The following PAFAH1B1 variants were observed in gnomAD, a reference collection of about 807,000 sequenced individuals.
PAFAH1B1 encodes platelet activating factor acetylhydrolase 1b regulatory subunit 1, also known as platelet-activating factor acetylhydrolase IB subunit beta.
A neutral mutation model predicts 57.5 loss-of-function variants in PAFAH1B1; 2 were observed. The observed-to-expected ratio is 0.03, with a 90% CI of 0.01 to 0.11. PAFAH1B1 has a LOEUF of 0.11. PAFAH1B1 is among the 10% of genes least tolerant of loss of function. The pLI is 1.00. For missense variants in PAFAH1B1, 257 were observed against 512.0 expected (o/e 0.50, Z 4.81); for synonymous variants, 152 against 169.6 (o/e 0.90, Z 0.81).
At chr17:2,594,968 A>G (rs549532219) in intron 1 of PAFAH1B1, among the ~76,000 whole-genome samples, 39 of 152,202 alleles carry the variant, frequency 2.6e-4, no homozygotes, top group Non-Finnish European at 4.8e-4. Flanking sequence ...AAGGTACCAT[A>G]GCTTTATATG....
chr17:2,634,947 G>GGAGACCAAGACC (rs1187665757), intron 1 of PAFAH1B1, among the ~76,000 whole-genome samples: 1 of 152,172 alleles, frequency 6.6e-6, no homozygotes, highest in African/African-American at 2.4e-5. Flanking sequence ...CGGATCACTT[G>GGAGACCAAGACC]AAGTCAGGAG....
intron 1 of PAFAH1B1, among the ~76,000 whole-genome samples, chr17:2,598,797 G>C (rs898354288): frequency 3.9e-5 from 6 of 152,138 alleles, no homozygotes; most frequent in African/African-American, 1.4e-4. Flanking sequence ...AAGCGTAATA[G>C]TTAACTGCAG....
At chr17:2,612,210 CTTT>C (rs529559637) in intron 1 of PAFAH1B1, among the ~76,000 whole-genome samples, 1 of 130,562 alleles carries the variant, frequency 7.7e-6, no homozygotes, top group African/African-American at 2.8e-5. Flanking sequence ...GAAAATGGCA[CTTT>C]TTTTTTTTTT....
intron 2 of PAFAH1B1, among the ~76,000 whole-genome samples, chr17:2,652,840 C>T (rs930548900): frequency 3.9e-5 from 6 of 152,208 alleles, no homozygotes; most frequent in Non-Finnish European, 5.9e-5. Flanking sequence ...CTAGTTCAAC[C>T]GTTATGGAAG....
At chr17:2,679,175 AT>A in intron 9 of PAFAH1B1, among the ~76,000 whole-genome samples, 1 of 152,250 alleles carries the variant, frequency 6.6e-6, no homozygotes, top group South Asian at 2.1e-4. Flanking sequence ...CAAACCTTTA[AT>A]TTAGAAAGTA....
At position 2,666,105 on chromosome 17, in the gene PAFAH1B1, T is replaced by C. The variant is rs587784255; in HGVS notation, c.192+15T>C. ...TACAAAAGAAGGTAACTAAGTCTTT[T>C]TTCTTTAAAATTAGTTGTATTCAGT... On this transcript the variant is annotated intron_variant, in intron 4 of 10. Coordinates refer to ENST00000397195, the MANE Select transcript of PAFAH1B1 (RefSeq NM_000430.4). 1.4e-6 allele frequency: 2 copies of C among 1,475,052 alleles called. No individual in the cohort carries two copies. The highest frequency in any genetic ancestry group is 2.8e-5 in the African/African-American group (2 of 71,896). The allele number at this position is 1,475,052 out of a possible 1,614,324, so 91.4% of individuals were successfully genotyped here.
At chr17:2,638,481 A>C (rs1042792514) in intron 2 of PAFAH1B1, 161 bp downstream of exon 2, 5 of 639,320 alleles carry the variant, frequency 7.8e-6, no homozygotes, top group Admixed American at 5.7e-5. Flanking sequence ...AAACAGTCTT[A>C]TTATGATATA....
chr17:2,615,927 A>G (rs1364139043), intron 1 of PAFAH1B1, among the ~76,000 whole-genome samples: 1 of 152,210 alleles, frequency 6.6e-6, no homozygotes, highest in Non-Finnish European at 1.5e-5. Context: ...AAGAAGACAC[A>G]AGGAGAGAAA....
At chr17:2,651,768 C>T (rs1277371141) in intron 2 of PAFAH1B1, among the ~76,000 whole-genome samples, 1 of 151,896 alleles carries the variant, frequency 6.6e-6, no homozygotes, top group Non-Finnish European at 1.5e-5. Flanking sequence ...GCCTTTTTGC[C>T]TTTCCCCAGT....
At chr17:2,607,197 CAG>C (rs2068215821) in intron 1 of PAFAH1B1, among the ~76,000 whole-genome samples, 1 of 151,648 alleles carries the variant, frequency 6.6e-6, no homozygotes, top group South Asian at 2.1e-4. Context: ...TATTTTGAGA[CAG>C]AGTCTTGCTC....
chr17:2,678,762 A>G (rs143186723), intron 9 of PAFAH1B1, among the ~76,000 whole-genome samples: 7 of 152,138 alleles, frequency 4.6e-5, no homozygotes, highest in Admixed American at 2.6e-4. Flanking sequence ...ATGCATGCCT[A>G]TAGTCCTAGC....
intron 1 of PAFAH1B1, among the ~76,000 whole-genome samples, chr17:2,636,187 C>A (rs1433984058): frequency 6.6e-6 from 1 of 152,096 alleles, no homozygotes; most frequent in African/African-American, 2.4e-5. Context: ...GGTTTACTGG[C>A]TTGTCTGTTG....
chr17:2,680,151 T>C lies in PAFAH1B1; in HGVS notation c.1003-13T>C, dbSNP rs766824454. 6.2e-7 allele frequency: 1 copy of C among 1,613,516 alleles called. No individual in the cohort carries two copies. The highest frequency in any genetic ancestry group is 8.5e-7 in the Non-Finnish European group (1 of 1,179,780). On this transcript the variant is annotated splice_polypyrimidine_tract_variant and intron_variant, in intron 9 of 10. Coordinates refer to ENST00000397195, the MANE Select transcript of PAFAH1B1 (RefSeq NM_000430.4). ...TGCCTTTTACTGAGTCAAATAACTTTTTTGTTTTTAAGGTGGGTCATGATA... is the reference window on the plus strand; with the variant it reads ...TGCCTTTTACTGAGTCAAATAACTTCTTTGTTTTTAAGGTGGGTCATGATA...
chr17:2,677,101 C>T (rs1424025408), intron 9 of PAFAH1B1, among the ~76,000 whole-genome samples: 4 of 151,784 alleles, frequency 2.6e-5, no homozygotes, highest in African/African-American at 9.7e-5. Flanking sequence ...TGCAGTGAGC[C>T]GAGATTGTGC....
intron 2 of PAFAH1B1, among the ~76,000 whole-genome samples, chr17:2,659,929 G>C (rs1253435190): frequency 6.6e-6 from 1 of 152,160 alleles, no homozygotes. Flanking sequence ...TCTCTGCCCT[G>C]GAAATAAATT....
chr17:2,664,555 G>T (rs1018333941), intron 2 of PAFAH1B1, among the ~76,000 whole-genome samples: 4 of 151,870 alleles, frequency 2.6e-5, no homozygotes, highest in Admixed American at 2.0e-4. Context: ...ACAGGGGCTT[G>T]CCACCACGCC....
chr17:2,659,950 T>TC (rs769687521), intron 2 of PAFAH1B1, among the ~76,000 whole-genome samples: 1 of 152,196 alleles, frequency 6.6e-6, no homozygotes, highest in Non-Finnish European at 1.5e-5. Flanking sequence ...TTAATCACAT[T>TC]CTCTCCCAAG....
At chr17:2,654,672 G>A (rs8067153) in intron 2 of PAFAH1B1, among the ~76,000 whole-genome samples, 16,604 of 152,030 alleles carry the variant, frequency 0.11, 1,273 homozygotes, top group African/African-American at 0.22. Flanking sequence ...GATAGTGTCT[G>A]GCTCTGTTAC....
intron 1 of PAFAH1B1, chr17:2,613,739 C>A (rs959202620): frequency 1.7e-5 from 5 of 298,676 alleles, no homozygotes; most frequent in African/African-American, 1.1e-4. Flanking sequence ...GGCCTCCTCC[C>A]CATCCACAGA....
Sources: allele counts gnomAD v4.1 joint callset (sites outside exome capture counted in the v4.1 genomes callset), GRCh38; gene constraint gnomAD v4.1.1; transcripts MANE v1.5; gene names NCBI Gene and HGNC (gene_info 2026-07-23, HGNC 2026-07-21).